Variants in TMPRSS15 observed in about 807,000 individuals in gnomAD.
TMPRSS15 encodes enteropeptidase.
Under a neutral mutation model 125.3 loss-of-function variants are expected in TMPRSS15, and 128 were observed. The observed-to-expected ratio is 1.02, with a 90% CI of 0.89 to 1.18. The LOEUF (loss-of-function observed/expected upper bound fraction) is 1.18. Among genes scored for constraint, TMPRSS15 ranks in the 50% most tolerant of loss-of-function variants. The pLI is 0.00. For synonymous variants in TMPRSS15, 446 were observed against 423.2 expected (o/e 1.05, Z -0.66); for missense variants, 1,283 against 1,212.7 (o/e 1.06, Z -0.86).
At chr21:18,470,723 C>T (rs727150) in intron 1 of TMPRSS15, among the ~76,000 whole-genome samples, 15 of 151,516 alleles carry the variant, frequency 9.9e-5, no homozygotes, top group Admixed American at 4.0e-4. Flanking sequence ...GCCATTAGAA[C>T]GAGAGGAAAG....
At chr21:18,283,854 A>C (rs8128746) in intron 21 of TMPRSS15, among the ~76,000 whole-genome samples, 56,137 of 151,996 alleles carry the variant, frequency 0.37, 10,881 homozygotes, top group Non-Finnish European at 0.43. Context: ...AGAACTAATC[A>C]ACATAATCAC....
chr21:18,481,997 G>A (rs1978989723), intron 1 of TMPRSS15, among the ~76,000 whole-genome samples: 1 of 151,472 alleles, frequency 6.6e-6, no homozygotes, highest in Non-Finnish European at 1.5e-5. Context: ...AATAATTTTT[G>A]TCTTACAGTT....
intron 3 of TMPRSS15, among the ~76,000 whole-genome samples, chr21:18,384,435 C>T (rs1471759064): frequency 6.6e-6 from 1 of 152,150 alleles, no homozygotes; most frequent in Admixed American, 6.5e-5. Flanking sequence ...GATCTCCAAA[C>T]ATAGCATTAG....
intron 7 of TMPRSS15, among the ~76,000 whole-genome samples, chr21:18,363,546 C>A (rs1250186271): frequency 7.8e-6 from 1 of 128,874 alleles, no homozygotes; most frequent in Non-Finnish European, 1.7e-5. Flanking sequence ...AGTTGTGTAC[C>A]CAATTATGCA....
At chr21:18,462,815 C>T (rs2122953460) in intron 1 of TMPRSS15, among the ~76,000 whole-genome samples, 12 of 151,906 alleles carry the variant, frequency 7.9e-5, no homozygotes, top group Non-Finnish European at 1.5e-4. Context: ...AGAGAAAGGT[C>T]AGGTTACCCA....
At chr21:18,331,480 G>A (rs2075345021) in intron 14 of TMPRSS15, among the ~76,000 whole-genome samples, 1 of 152,276 alleles carries the variant, frequency 6.6e-6, no homozygotes, top group East Asian at 1.9e-4. Flanking sequence ...TAGGAACATT[G>A]ATGTAGAGGT....
At chr21:18,441,747 G>A (rs2076242652) in intron 1 of TMPRSS15, among the ~76,000 whole-genome samples, 3 of 150,868 alleles carry the variant, frequency 2.0e-5, no homozygotes, top group Non-Finnish European at 4.4e-5. Flanking sequence ...CTGGAGTGCA[G>A]TGGCAGGATC....
intron 3 of TMPRSS15, among the ~76,000 whole-genome samples, chr21:18,388,375 T>C (rs1010753942): frequency 6.6e-6 from 1 of 152,158 alleles, no homozygotes; most frequent in African/African-American, 2.4e-5. Context: ...AAATAAAAGA[T>C]TACTTACTAA....
intron 1 of TMPRSS15, among the ~76,000 whole-genome samples, chr21:18,470,249 T>C (rs1396274097): frequency 6.6e-6 from 1 of 152,044 alleles, no homozygotes; most frequent in Non-Finnish European, 1.5e-5. Context: ...TCTTCCTTAG[T>C]TAACTTTTTT....
intron 16 of TMPRSS15, among the ~76,000 whole-genome samples, chr21:18,321,806 T>TA (rs1335685818): frequency 2.0e-5 from 3 of 152,132 alleles, no homozygotes; most frequent in Non-Finnish European, 2.9e-5. Context: ...TCTTTGGGTA[T>TA]AAAAAATCTC....
At chr21:18,385,934 G>A (rs988400811) in intron 3 of TMPRSS15, among the ~76,000 whole-genome samples, 2 of 151,896 alleles carry the variant, frequency 1.3e-5, no homozygotes, top group Non-Finnish European at 2.9e-5. Flanking sequence ...TAATAGAGAT[G>A]GGGTTTCACC....
At chr21:18,360,280 T>G (rs2075667639) in intron 7 of TMPRSS15, among the ~76,000 whole-genome samples, 1 of 152,142 alleles carries the variant, frequency 6.6e-6, no homozygotes, top group Non-Finnish European at 1.5e-5. Flanking sequence ...ATTTCCTTCT[T>G]TATGACTGAG....
chr21:18,413,780 T>G (rs751918894), intron 1 of TMPRSS15, among the ~76,000 whole-genome samples: 9 of 151,852 alleles, frequency 5.9e-5, no homozygotes, highest in Admixed American at 5.3e-4. Flanking sequence ...CAGACTGGAG[T>G]GCAGTGGTAT....
intron 3 of TMPRSS15, among the ~76,000 whole-genome samples, chr21:18,388,003 A>C (rs2075960299): frequency 1.3e-5 from 2 of 152,086 alleles, no homozygotes; most frequent in South Asian, 4.1e-4. Flanking sequence ...TGATTATTTA[A>C]GGTAAAGTAA....
intron 10 of TMPRSS15, among the ~76,000 whole-genome samples, chr21:18,352,022 T>C (rs1485048929): frequency 6.6e-6 from 1 of 152,044 alleles, no homozygotes; most frequent in Non-Finnish European, 1.5e-5. Flanking sequence ...GCAAGTCATA[T>C]TATAAGATGA....
intron 16 of TMPRSS15, among the ~76,000 whole-genome samples, chr21:18,326,008 A>C (rs1025117358): frequency 2.0e-5 from 3 of 152,004 alleles, no homozygotes; most frequent in Admixed American, 6.6e-5. Context: ...CCAATAAGTT[A>C]ATGATGTTAA....
intron 1 of TMPRSS15, among the ~76,000 whole-genome samples, chr21:18,435,417 A>C (rs990031064): frequency 2.6e-5 from 4 of 152,140 alleles, no homozygotes; most frequent in Non-Finnish European, 5.9e-5. Context: ...GGTTCTGTTT[A>C]TATGCTGGAT....
intron 1 of TMPRSS15, among the ~76,000 whole-genome samples, 154 bp from the exon 2 acceptor site, chr21:18,398,483 G>T (rs1386070688): frequency 6.6e-6 from 1 of 152,138 alleles, no homozygotes; most frequent in Non-Finnish European, 1.5e-5. Context: ...TTCAAAATCA[G>T]CTGCTTTCTT....
intron 5 of TMPRSS15, among the ~76,000 whole-genome samples, chr21:18,378,549 T>A (rs773057120): frequency 1.1e-4 from 17 of 152,102 alleles, no homozygotes; most frequent in Non-Finnish European, 2.1e-4. Flanking sequence ...ATTTTACAAA[T>A]GTTTTCCCTC....
Sources: gnomAD v4.1 joint callset for allele counts (sites outside exome capture counted in the v4.1 genomes callset) on GRCh38, gnomAD v4.1.1 for gene constraint, MANE v1.5 for transcripts, NCBI Gene and HGNC (gene_info 2026-07-23, HGNC 2026-07-21) for gene names.